Variants in DPP10 observed in about 807,000 individuals in gnomAD.
The protein encoded by DPP10 is dipeptidyl peptidase like 10, also known as inactive dipeptidyl peptidase 10.
A neutral mutation model predicts 120.9 loss-of-function variants in DPP10; 33 were observed. That is an observed-to-expected ratio of 0.27 (90% CI 0.21 to 0.37). DPP10 has a LOEUF of 0.37. Ranked by LOEUF, DPP10 falls within the 10% of genes least tolerant of loss-of-function variation. DPP10 has a pLI of 1.00. For synonymous variants in DPP10, 337 were observed against 326.1 expected (o/e 1.03, Z -0.36); for missense variants, 816 against 942.8 (o/e 0.87, Z 1.76).
chr2:114,735,359 G>A (rs1355282420), intron 1 of DPP10, among the ~76,000 whole-genome samples: 1 of 152,104 alleles, frequency 6.6e-6, no homozygotes, highest in Non-Finnish European at 1.5e-5. Flanking sequence ...AAAAAGGCAG[G>A]CGTGAATTTC....
chr2:114,442,745 G>A lies in DPP10; in HGVS notation c.-34G>A, dbSNP rs756001652. The A allele has an allele frequency of 3.7e-6, 6 of 1,612,246 alleles. No individual in the cohort carries two copies. Among genetic ancestry groups the A allele is most frequent in the East Asian group, 2.2e-5 (1 of 44,750 alleles). ...GATCTCTAGTTCATTCTGGAACTCCGCCTGGGATTGTGCACTGTCCAGGGT... is the reference window on the plus strand; with the variant it reads ...GATCTCTAGTTCATTCTGGAACTCCACCTGGGATTGTGCACTGTCCAGGGT... On this transcript the variant is annotated 5_prime_UTR_variant, in exon 1 of 26. Transcript: ENST00000410059.
chr2:115,819,876 C>A (rs1354864674), intron 21 of DPP10, among the ~76,000 whole-genome samples: 1 of 152,176 alleles, frequency 6.6e-6, no homozygotes, highest in East Asian at 1.9e-4. Flanking sequence ...TGCCTGTAAT[C>A]CCAGCTACCT....
At chr2:115,213,043 G>T (rs974302114) in intron 1 of DPP10, among the ~76,000 whole-genome samples, 1 of 151,988 alleles carries the variant, frequency 6.6e-6, no homozygotes, top group Non-Finnish European at 1.5e-5. Flanking sequence ...TATTCTTTAC[G>T]TGAGTTCTTA....
chr2:115,368,885 CTTCTT>C (rs2065236046), intron 3 of DPP10, among the ~76,000 whole-genome samples: 1 of 151,372 alleles, frequency 6.6e-6, no homozygotes, highest in African/African-American at 2.4e-5. Context: ...TATCAACAAA[CTTCTT>C]TTCTATGGTA....
intron 3 of DPP10, among the ~76,000 whole-genome samples, chr2:115,346,590 T>G (rs769471555): frequency 8.5e-5 from 13 of 152,180 alleles, no homozygotes; most frequent in Non-Finnish European, 1.8e-4. Context: ...ATCTTTGAAA[T>G]CTACATTTTT....
intron 19 of DPP10, among the ~76,000 whole-genome samples, chr2:115,801,329 T>A (rs1471719325): frequency 2.6e-5 from 4 of 152,178 alleles, no homozygotes; most frequent in Non-Finnish European, 5.9e-5. Flanking sequence ...CTTAAGGAGA[T>A]TTTGGCCTGA....
intron 1 of DPP10, among the ~76,000 whole-genome samples, chr2:114,443,958 T>A (rs1677802546): frequency 1.3e-5 from 2 of 152,180 alleles, no homozygotes; most frequent in Admixed American, 1.3e-4. Context: ...AGTGTTTCAG[T>A]GATAGATAAA....
At chr2:114,835,181 T>C (rs189266256) in intron 1 of DPP10, 26 of 149,464 alleles carry the variant, frequency 1.7e-4, no homozygotes, top group Admixed American at 1.6e-3. Flanking sequence ...CACCTATGTA[T>C]ATATAGGACA....
At chr2:114,986,672 AT>A (rs1181459225) in intron 1 of DPP10, among the ~76,000 whole-genome samples, 1 of 152,262 alleles carries the variant, frequency 6.6e-6, no homozygotes, top group Non-Finnish European at 1.5e-5. Context: ...AATAAATAGC[AT>A]AATTAAATAG....
chr2:115,789,359 C>T (rs1048609495), intron 17 of DPP10, among the ~76,000 whole-genome samples: 5 of 152,178 alleles, frequency 3.3e-5, no homozygotes, highest in South Asian at 4.2e-4. Flanking sequence ...TGTAATTCAC[C>T]GTATTACACT....
chr2:115,169,192 A>G (rs1417280982), intron 1 of DPP10, among the ~76,000 whole-genome samples: 1 of 152,180 alleles, frequency 6.6e-6, no homozygotes, highest in Non-Finnish European at 1.5e-5. Context: ...CACTAAAATC[A>G]TTCTTTCATC....
intron 3 of DPP10, among the ~76,000 whole-genome samples, chr2:115,433,380 A>G (rs946721514): frequency 1.3e-5 from 2 of 151,976 alleles, no homozygotes; most frequent in Non-Finnish European, 2.9e-5. Context: ...TAATAATTCT[A>G]TATTCAGGCA....
At chr2:114,723,516 T>C (rs570534178) in intron 1 of DPP10, among the ~76,000 whole-genome samples, 54 of 152,292 alleles carry the variant, frequency 3.5e-4, no homozygotes, top group African/African-American at 1.3e-3. Context: ...TTCTCTATAA[T>C]AAAAAGTAAG....
At chr2:115,223,626 TAAAC>T (rs1182009016) in intron 1 of DPP10, among the ~76,000 whole-genome samples, 1 of 151,718 alleles carries the variant, frequency 6.6e-6, no homozygotes, top group African/African-American at 2.4e-5. Context: ...AAATATGAAA[TAAAC>T]AACAACAAAA....
intron 1 of DPP10, among the ~76,000 whole-genome samples, chr2:115,033,575 T>C (rs1703998419): frequency 6.6e-6 from 1 of 152,160 alleles, no homozygotes; most frequent in African/African-American, 2.4e-5. Flanking sequence ...TCACCCACCA[T>C]GAAACTGAAA....
intron 1 of DPP10, among the ~76,000 whole-genome samples, chr2:115,080,143 A>AAGT (rs1708152922): frequency 6.6e-6 from 1 of 152,006 alleles, no homozygotes; most frequent in Non-Finnish European, 1.5e-5. Flanking sequence ...TCAGCCTTCC[A>AAGT]AGTAGCTGGG....
At chr2:115,617,270 T>TATA (rs1558931376) in intron 5 of DPP10, among the ~76,000 whole-genome samples, 6 of 1,440 alleles carry the variant, frequency 4.2e-3, no homozygotes, top group Non-Finnish European at 0.033. Flanking sequence ...TATATATATT[T>TATA]TTTATATATA....
At chr2:115,140,921 A>G (rs1310480807) in intron 1 of DPP10, among the ~76,000 whole-genome samples, 3 of 75,438 alleles carry the variant, frequency 4.0e-5, no homozygotes, top group Admixed American at 1.5e-4. Flanking sequence ...TGACATGCTT[A>G]TCTTGAAAAA....
At chr2:114,719,661 G>A (rs1701579748) in intron 1 of DPP10, among the ~76,000 whole-genome samples, 1 of 152,038 alleles carries the variant, frequency 6.6e-6, no homozygotes, top group Admixed American at 6.6e-5. Flanking sequence ...GTCTTTTGAA[G>A]GGTCACTGAA....
Sources: gnomAD v4.1 joint callset for allele counts (sites outside exome capture counted in the v4.1 genomes callset) on GRCh38, gnomAD v4.1.1 for gene constraint, MANE v1.5 for transcripts, NCBI Gene and HGNC (gene_info 2026-07-23, HGNC 2026-07-21) for gene names.